The following ERBB4 variants were observed in gnomAD, a reference collection of about 807,000 sequenced individuals.
The protein encoded by ERBB4 is receptor tyrosine-protein kinase erbB-4.
A neutral mutation model predicts 158.0 loss-of-function variants in ERBB4; 42 were observed. The observed-to-expected ratio is 0.27, with a 90% confidence interval of 0.21 to 0.34. The LOEUF is 0.34. Ranked by LOEUF, ERBB4 falls within the 10% of genes least tolerant of loss-of-function variation. The probability of loss-of-function intolerance (pLI) is 1.00; values close to 1 mark genes in which losing one functional copy is unlikely to be tolerated. For missense variants in ERBB4, 1,333 were observed against 1,624.1 expected, an observed-to-expected ratio of 0.82 and a Z score of 3.08; for synonymous variants, 583 against 558.7, an observed-to-expected ratio of 1.04 and a Z score of -0.61.
At chr2:212,264,674 T>C (rs1374937055) in intron 1 of ERBB4, among the ~76,000 whole-genome samples, 1 of 152,152 alleles carries the variant, frequency 6.6e-6, no homozygotes, top group Admixed American at 6.6e-5. Flanking sequence ...TTCATAAATA[T>C]TATAAAATGG....
chr2:212,116,309 T>C (rs1173618273), intron 2 of ERBB4, among the ~76,000 whole-genome samples: 2 of 152,034 alleles, frequency 1.3e-5, no homozygotes, highest in Non-Finnish European at 2.9e-5. Flanking sequence ...ATTTTTTATT[T>C]GTATCATTCC....
chr2:212,097,244 C>A (rs1259360600), intron 2 of ERBB4, among the ~76,000 whole-genome samples: 1 of 151,990 alleles, frequency 6.6e-6, no homozygotes, highest in Admixed American at 6.6e-5. Flanking sequence ...CAGGATGCTG[C>A]AGAAGGGAGA....
At chr2:211,767,661 G>A (rs2106257371) in intron 4 of ERBB4, among the ~76,000 whole-genome samples, 1 of 152,224 alleles carries the variant, frequency 6.6e-6, no homozygotes, top group Middle Eastern at 3.4e-3. Context: ...ATGAGCAGAA[G>A]GAGAAAAGCC....
chr2:211,498,202 T>C lies in ERBB4; in HGVS notation c.2487+63701A>G, dbSNP rs184619229. On this transcript the variant is annotated intron_variant, in intron 20 of 27. Coordinates refer to ENST00000342788, the MANE Select transcript of ERBB4 (RefSeq NM_005235.3). The stretch of plus-strand genomic sequence containing the variant: ...TATGGTATGTTGACTTCTTTCAACC[T>C]AGGAACTTCTATAACTATCAGTGTT... 4.7e-3 allele frequency among the ~76,000 whole-genome samples: 710 copies of C among 152,220 alleles called. 16 individuals are homozygous for C. Among genetic ancestry groups the C allele is most frequent in the Admixed American group, 0.044 (666 of 15,296 alleles).
chr2:211,434,252 G>C (rs2063804463), intron 20 of ERBB4, among the ~76,000 whole-genome samples: 1 of 152,134 alleles, frequency 6.6e-6, no homozygotes, highest in Admixed American at 6.6e-5. Context: ...ACTCTGCTAT[G>C]ATCTGAATGG....
At chr2:212,411,268 T>A (rs2091490390) in intron 1 of ERBB4, among the ~76,000 whole-genome samples, 1 of 152,102 alleles carries the variant, frequency 6.6e-6, no homozygotes, top group Non-Finnish European at 1.5e-5. Context: ...CGAAACAGGC[T>A]ACAAGCAGTC....
chr2:212,292,155 T>C (rs182678501), intron 1 of ERBB4, among the ~76,000 whole-genome samples: 1 of 152,128 alleles, frequency 6.6e-6, no homozygotes, highest in East Asian at 1.9e-4. Context: ...ATCAAACACC[T>C]CTTCTGACTT....
rs1233671110 is a variant in ERBB4, at chr2:211,378,083, T to C, written c.*5532A>G. 1 of 232,990 alleles carries C rather than the reference T, an allele frequency of 4.3e-6. No individual in the cohort carries two copies. Among genetic ancestry groups the C allele is most frequent in the African/African-American group, 2.2e-5 (1 of 45,242 alleles). 14.4% of individuals were successfully genotyped at this position (232,990 alleles called of 1,614,324 possible). ...AACAGGACAGCATCGGGGGACTACT[T>C]TGAACCAGGGTGGTAGAAAGGGAAG... On this transcript the variant is annotated 3_prime_UTR_variant, in exon 28 of 28. Transcript: ENST00000342788.
At chr2:212,310,237 T>C (rs2086978648) in intron 1 of ERBB4, among the ~76,000 whole-genome samples, 1 of 150,752 alleles carries the variant, frequency 6.6e-6, no homozygotes, top group Non-Finnish European at 1.5e-5. Context: ...TATCTTTCAA[T>C]TTGCATTTTC....
chr2:211,774,296 T>C (rs866592107), intron 4 of ERBB4, among the ~76,000 whole-genome samples: 15 of 152,220 alleles, frequency 9.9e-5, no homozygotes, highest in Middle Eastern at 3.4e-3. Flanking sequence ...GGTTTTGAAC[T>C]CCTAACCTCA....
chr2:212,291,864 AT>A (rs1349696419), intron 1 of ERBB4, among the ~76,000 whole-genome samples: 1 of 152,048 alleles, frequency 6.6e-6, no homozygotes, highest in Non-Finnish European at 1.5e-5. Flanking sequence ...TTTCAAAAAT[AT>A]TTTATTAGGC....
intron 3 of ERBB4, among the ~76,000 whole-genome samples, chr2:211,894,212 C>T (rs1335751305): frequency 1.5e-5 from 2 of 130,018 alleles, no homozygotes; most frequent in Non-Finnish European, 3.2e-5. Context: ...ACATATACAC[C>T]ATGGAATACT....
intron 1 of ERBB4, among the ~76,000 whole-genome samples, chr2:212,312,468 A>C (rs961633177): frequency 6.6e-6 from 1 of 151,020 alleles, no homozygotes; most frequent in Admixed American, 6.6e-5. Flanking sequence ...TTAGCCTCAA[A>C]TTCATTAATT....
intron 1 of ERBB4, among the ~76,000 whole-genome samples, chr2:212,294,447 CTAA>C (rs1319703271): frequency 6.6e-6 from 1 of 151,878 alleles, no homozygotes; most frequent in Non-Finnish European, 1.5e-5. Flanking sequence ...CTCACTTTGT[CTAA>C]TAATATTTTG....
intron 2 of ERBB4, among the ~76,000 whole-genome samples, chr2:212,045,774 A>G (rs557417934): frequency 2.0e-5 from 3 of 152,332 alleles, no homozygotes; most frequent in Admixed American, 2.0e-4. Flanking sequence ...TTACAATCAA[A>G]GTAGTCTGCT....
At chr2:211,384,311 C>A (rs966761755) in intron 27 of ERBB4, among the ~76,000 whole-genome samples, 3 of 152,214 alleles carry the variant, frequency 2.0e-5, no homozygotes, top group African/African-American at 7.2e-5. Context: ...CTAAATTTTT[C>A]TTTCTTTCTA....
At chr2:211,599,432 T>G (rs2068731571) in intron 19 of ERBB4, among the ~76,000 whole-genome samples, 1 of 151,876 alleles carries the variant, frequency 6.6e-6, no homozygotes, top group Non-Finnish European at 1.5e-5. Flanking sequence ...AAAATATAAC[T>G]GGTCACGCTA....
Position 211,387,947 on chromosome 2 carries a change from C to G in ERBB4, c.3181G>C (p.Gly1061Arg). 1 of 1,607,748 alleles carries G rather than the reference C, an allele frequency of 6.2e-7. No individual in the cohort carries two copies. Among genetic ancestry groups the G allele is most frequent in the Non-Finnish European group, 8.5e-7 (1 of 1,174,348 alleles). Residue 1061 changes from glycine (G) to arginine (R), a missense_variant and splice_region_variant, in exon 26 of 28, where the codon GGA (glycine) becomes CGA (arginine). Gly to Arg is a moderately radical substitution (Grantham distance 125, BLOSUM62 -2). Coordinates refer to ENST00000342788, the MANE Select transcript of ERBB4 (RefSeq NM_005235.3). ...AAGGTTGATTGTGAAATACTTACTC[C>G]TGACATGGGGGTGTAGGCAGGAGGA... is the stretch of plus-strand genomic sequence containing the variant. ...SPPPAYTPMS[G>R]NQFVYRDGGF... is the part of the protein sequence containing the mutation.
At chr2:211,566,370 G>A (rs532573413) in intron 19 of ERBB4, among the ~76,000 whole-genome samples, 1 of 152,280 alleles carries the variant, frequency 6.6e-6, no homozygotes, top group African/African-American at 2.4e-5. Flanking sequence ...GTAAATAGGA[G>A]ACACCCAACA....
Sources: allele counts gnomAD v4.1 joint callset (sites outside exome capture counted in the v4.1 genomes callset), GRCh38; gene constraint gnomAD v4.1.1; transcripts MANE v1.5; gene names NCBI Gene and HGNC (gene_info 2026-07-23, HGNC 2026-07-21).